GOLM1: variants seen among roughly 807,000 people sequenced by gnomAD.
GOLM1 encodes the protein epididymis luminal protein 46.
A neutral mutation model predicts 50.5 loss-of-function variants in GOLM1; 31 were observed. The ratio of observed to expected loss-of-function variants is 0.61; its 90% CI spans 0.46 to 0.83. The LOEUF (loss-of-function observed/expected upper bound fraction) is 0.83. Among genes scored for constraint, GOLM1 ranks in the 40% least tolerant of loss-of-function variants. The probability of loss-of-function intolerance (pLI) is 0.00; values close to 1 mark genes in which losing one functional copy is unlikely to be tolerated. For missense variants in GOLM1, 491 were observed against 501.3 expected (o/e 0.98, Z 0.20); for synonymous variants, 178 against 192.8 (o/e 0.92, Z 0.64).
chr9:86,036,092 A>G (rs1339403108), intron 7 of GOLM1, among the ~76,000 whole-genome samples: 1 of 152,088 alleles, frequency 6.6e-6, no homozygotes, highest in Non-Finnish European at 1.5e-5. Context: ...CCACAAGCCC[A>G]CCAATGTCCT....
At chr9:86,049,655 G>A (rs564966448) in intron 4 of GOLM1, among the ~76,000 whole-genome samples, 99 of 152,278 alleles carry the variant, frequency 6.5e-4, no homozygotes, top group African/African-American at 2.3e-3. Context: ...GTTCACTCAT[G>A]ATTTGGCTGT....
At chr9:86,038,809 C>CA (rs1833235114) in intron 6 of GOLM1, among the ~76,000 whole-genome samples, 1 of 152,134 alleles carries the variant, frequency 6.6e-6, no homozygotes, top group African/African-American at 2.4e-5. Context: ...AAATGAATCA[C>CA]AGGCTTAAAC....
chr9:86,092,761 C>T (rs1453612044), intron 1 of GOLM1, among the ~76,000 whole-genome samples: 1 of 152,146 alleles, frequency 6.6e-6, no homozygotes, highest in East Asian at 1.9e-4. Flanking sequence ...CACACACTGG[C>T]GAGAAATGAT....
chr9:86,035,286 G>A (rs2118640879), intron 8 of GOLM1, 82 bp downstream of exon 8: 16 of 1,554,568 alleles, frequency 1.0e-5, no homozygotes, highest in Non-Finnish European at 1.4e-5. Context: ...AGGGTGATAT[G>A]TTGGTGCTGG....
At chr9:86,041,762 G>C (rs1833359248) in intron 5 of GOLM1, among the ~76,000 whole-genome samples, 1 of 152,184 alleles carries the variant, frequency 6.6e-6, no homozygotes, top group Admixed American at 6.5e-5. Context: ...ATCTGAGGTG[G>C]GAGCAGTAGT....
At chr9:86,028,193 A>G (rs1189929335) in intron 9 of GOLM1, among the ~76,000 whole-genome samples, 17 of 152,246 alleles carry the variant, frequency 1.1e-4, no homozygotes, top group South Asian at 2.1e-4. Context: ...CAAATGTTGC[A>G]TTTTCCAAGA....
intron 4 of GOLM1, among the ~76,000 whole-genome samples, chr9:86,049,894 C>T: frequency 6.6e-6 from 1 of 152,158 alleles, no homozygotes; most frequent in East Asian, 1.9e-4. Context: ...CCAGAACTTC[C>T]AACACTATGT....
intron 3 of GOLM1, among the ~76,000 whole-genome samples, chr9:86,076,266 A>G (rs1484244256): frequency 6.6e-6 from 1 of 151,760 alleles, no homozygotes; most frequent in Non-Finnish European, 1.5e-5. Context: ...TAAAAAATAC[A>G]AAAAATTAGC....
chr9:86,072,143 A>C (rs1834467047), intron 3 of GOLM1, among the ~76,000 whole-genome samples: 1 of 152,212 alleles, frequency 6.6e-6, no homozygotes, highest in Non-Finnish European at 1.5e-5. Context: ...AATAGTTCAG[A>C]AATATAAGCT....
chr9:86,095,667 G>T (rs185367019), intron 1 of GOLM1, among the ~76,000 whole-genome samples: 1 of 152,132 alleles, frequency 6.6e-6, no homozygotes, highest in African/African-American at 2.4e-5. Context: ...TTATGCGCGC[G>T]TGGGAAAGAC....
intron 6 of GOLM1, among the ~76,000 whole-genome samples, chr9:86,038,790 A>G (rs976973004): frequency 6.6e-6 from 1 of 152,220 alleles, no homozygotes; most frequent in African/African-American, 2.4e-5. Flanking sequence ...CAATAATTAA[A>G]TTAACTGAAA....
chr9:86,052,343 G>A (rs562404799), intron 4 of GOLM1, among the ~76,000 whole-genome samples, 194 bp downstream of exon 4: 1 of 152,182 alleles, frequency 6.6e-6, no homozygotes, highest in East Asian at 1.9e-4. Context: ...AATGTATTTG[G>A]CAATATTTTT....
rs1832829119 is a variant in GOLM1 at position 86,027,705 on chromosome 9, TC to T, written c.*111del. On this transcript the variant is annotated 3_prime_UTR_variant, in exon 10 of 10. Transcript: ENST00000388712. ...TACTAAAATTTCACAATAATCATCT[TC>T]AGATGTACATTTTATTTAGTACATT... 43 of 1,446,690 alleles carry T rather than the reference TC, an allele frequency of 3.0e-5. No individual in the cohort carries two copies. The highest frequency in any genetic ancestry group is 3.9e-5 in the Non-Finnish European group (43 of 1,098,838). 89.6% of individuals were successfully genotyped at this position (1,446,690 alleles called of 1,614,324 possible).
chr9:86,091,438 TACAA>T (rs1037980386), intron 1 of GOLM1, among the ~76,000 whole-genome samples: 1 of 152,142 alleles, frequency 6.6e-6, no homozygotes, highest in African/African-American at 2.4e-5. Context: ...AGTAAGGAAA[TACAA>T]AGAATGCAGC....
At chr9:86,080,239 T>C (rs1834746298) in intron 1 of GOLM1, 2 of 152,144 alleles carry the variant, frequency 1.3e-5, no homozygotes, top group South Asian at 4.1e-4. Flanking sequence ...TGCACAAAAA[T>C]ACAGCTTAGA....
intron 4 of GOLM1, among the ~76,000 whole-genome samples, chr9:86,047,040 C>G (rs991138965): frequency 6.6e-6 from 1 of 152,218 alleles, no homozygotes; most frequent in South Asian, 2.1e-4. Flanking sequence ...TGCCCTCGGC[C>G]ACCAGGCTAC....
chr9:86,081,322 G>A (rs572779204), intron 1 of GOLM1, among the ~76,000 whole-genome samples: 6 of 151,188 alleles, frequency 4.0e-5, no homozygotes, highest in South Asian at 2.1e-4. Context: ...TCAGCTTCCC[G>A]AGTAGCTGGG....
intron 2 of GOLM1, among the ~76,000 whole-genome samples, chr9:86,078,744 T>C (rs1362317279): frequency 6.6e-6 from 1 of 152,210 alleles, no homozygotes; most frequent in Non-Finnish European, 1.5e-5. Context: ...AAATTATTAT[T>C]ATCATTAAGT....
At chr9:86,096,609 A>G (rs1452599103) in intron 1 of GOLM1, among the ~76,000 whole-genome samples, 1 of 152,370 alleles carries the variant, frequency 6.6e-6, no homozygotes, top group African/African-American at 2.4e-5. Context: ...ATACTGAGTC[A>G]GCCTTGCATG....
Sources: allele counts gnomAD v4.1 joint callset (sites outside exome capture counted in the v4.1 genomes callset), GRCh38; gene constraint gnomAD v4.1.1; transcripts MANE v1.5; gene names NCBI Gene and HGNC (gene_info 2026-07-23, HGNC 2026-07-21).